Variants in ADAM2 observed in about 807,000 individuals in gnomAD.
ADAM2 encodes the protein ADAM metallopeptidase domain 2.
ADAM2 carries 101 observed loss-of-function variants against 99.3 expected under a neutral mutation model. The ratio of observed to expected loss-of-function variants is 1.02; its 90% CI spans 0.87 to 1.20. The LOEUF is 1.20. Ranked by LOEUF, ADAM2 falls within the 50% of genes most tolerant of loss-of-function variation. The probability of loss-of-function intolerance (pLI) is 0.00; values close to 1 mark genes in which losing one functional copy is unlikely to be tolerated. For missense variants in ADAM2, 948 were observed against 878.7 expected (o/e 1.08, Z -1.00); for synonymous variants, 323 against 287.6 (o/e 1.12, Z -1.25).
At chr8:39,830,784 A>T (rs1429730109) in intron 3 of ADAM2, among the ~76,000 whole-genome samples, 2 of 152,202 alleles carry the variant, frequency 1.3e-5, no homozygotes, top group African/African-American at 4.8e-5. Context: ...CGAAAAAAAA[A>T]ATCAATACCT....
intron 3 of ADAM2, among the ~76,000 whole-genome samples, chr8:39,828,013 G>A (rs1456451226): frequency 6.6e-6 from 1 of 151,844 alleles, no homozygotes; most frequent in Non-Finnish European, 1.5e-5. Context: ...TATATAGCTG[G>A]AAGGGGAAGA....
intron 7 of ADAM2, among the ~76,000 whole-genome samples, chr8:39,799,055 TC>T (rs532963314): frequency 1.3e-5 from 2 of 152,260 alleles, no homozygotes; most frequent in East Asian, 3.9e-4. Context: ...TCTTCTCTGA[TC>T]TTAGTTATTT....
At chr8:39,777,715 C>T (rs1803052178) in intron 10 of ADAM2, among the ~76,000 whole-genome samples, 1 of 151,894 alleles carries the variant, frequency 6.6e-6, no homozygotes, top group East Asian at 1.9e-4. Flanking sequence ...ATGATAAAGG[C>T]TTGAGGTGAT....
rs545863593 is a variant in ADAM2 at position 39,780,928 on chromosome 8, A to G, written c.892-3767T>C. On this transcript the variant is annotated intron_variant, in intron 10 of 20. Transcript: ENST00000265708. ...AAATAATCTTTGCCTTTTACAGTTG[A>G]AACTAAAACATTGTTATCTCTTTCA... Among the ~76,000 whole-genome samples the G allele has an allele frequency of 3.3e-5, 5 of 152,246 alleles. No homozygotes were observed. In the South Asian group the frequency reaches 1.0e-3, roughly 32 times the overall value.
intron 7 of ADAM2, among the ~76,000 whole-genome samples, chr8:39,805,525 C>T (rs1357956997): frequency 6.6e-6 from 1 of 151,704 alleles, no homozygotes; most frequent in Non-Finnish European, 1.5e-5. Context: ...TGGAAAATGA[C>T]CAAAGGAATA....
chr8:39,826,461 C>T (rs1185305131), intron 3 of ADAM2, among the ~76,000 whole-genome samples: 3 of 152,102 alleles, frequency 2.0e-5, no homozygotes, highest in East Asian at 1.9e-4. Flanking sequence ...CAGTGGCTCA[C>T]GCCTGTAATC....
chr8:39,810,386 G>A lies in ADAM2; in HGVS notation c.514-920C>T, dbSNP rs189828747. 6.4e-3 allele frequency among the ~76,000 whole-genome samples: 979 copies of A among 152,184 alleles called. 5 individuals are homozygous for A. The highest frequency in any genetic ancestry group is 9.8e-3 in the Non-Finnish European group (663 of 67,988). Reference sequence around the variant, plus strand: ...ATTAGACAGATCAAAGAGACAGAACGTTAACAAGGATATCCAGGACTTGAA... The same window carrying A: ...ATTAGACAGATCAAAGAGACAGAACATTAACAAGGATATCCAGGACTTGAA... On this transcript the variant is annotated intron_variant, in intron 6 of 20. Transcript: ENST00000265708.
intron 15 of ADAM2, among the ~76,000 whole-genome samples, chr8:39,760,638 G>A (rs1802316921): frequency 6.6e-6 from 1 of 151,874 alleles, no homozygotes; most frequent in South Asian, 2.1e-4. Context: ...GGAGAATGGC[G>A]TGAACCCGGG....
At chr8:39,837,706 A>G (rs1805899256) in intron 1 of ADAM2, among the ~76,000 whole-genome samples, 1 of 152,124 alleles carries the variant, frequency 6.6e-6, no homozygotes, top group Non-Finnish European at 1.5e-5. Context: ...AAAAAGAAGT[A>G]GGTGTATTGC....
chr8:39,793,449 A>C (rs1803802493), intron 7 of ADAM2, among the ~76,000 whole-genome samples: 1 of 152,168 alleles, frequency 6.6e-6, no homozygotes, highest in East Asian at 1.9e-4. Context: ...GGTGTTAAGC[A>C]AGTCTGCCCT....
rs528127001 is a variant in ADAM2, at chr8:39,765,585, T to C, written c.1507+1263A>G. 6.2e-4 allele frequency among the ~76,000 whole-genome samples: 94 copies of C among 152,312 alleles called. 1 individual carries two copies. Among genetic ancestry groups the C allele is most frequent in the African/African-American group, 2.1e-3 (87 of 41,576 alleles). ...CCAACGATTGAGGAAATTAAATCAG[T>C]AATTAAAAAGTTTGTCTTTTGCTCC... On this transcript the variant is annotated intron_variant, in intron 14 of 20. Coordinates refer to ENST00000265708, the MANE Select transcript of ADAM2 (RefSeq NM_001464.5).
intron 14 of ADAM2, among the ~76,000 whole-genome samples, chr8:39,763,693 A>G (rs944568297): frequency 6.6e-6 from 1 of 152,242 alleles, no homozygotes; most frequent in Non-Finnish European, 1.5e-5. Context: ...GCAGCCTGCT[A>G]TCAGAGCGTA....
At chr8:39,822,361 A>G (rs1805225534) in intron 4 of ADAM2, among the ~76,000 whole-genome samples, 1 of 152,200 alleles carries the variant, frequency 6.6e-6, no homozygotes, top group South Asian at 2.1e-4. Context: ...TAAACACAGG[A>G]TGACATTGAG....
chr8:39,776,981 T>C (rs774175337), intron 11 of ADAM2, 44 bp downstream of exon 11: 61 of 1,177,468 alleles, frequency 5.2e-5, no homozygotes, highest in Non-Finnish European at 7.1e-5. Context: ...ACATTAAAAT[T>C]ACATTAAACT....
intron 3 of ADAM2, among the ~76,000 whole-genome samples, chr8:39,832,952 A>G (rs969304167): frequency 2.6e-5 from 4 of 152,144 alleles, no homozygotes; most frequent in Non-Finnish European, 4.4e-5. Context: ...TTATGCTTAC[A>G]TTTTAATTCA....
At chr8:39,821,234 C>T in intron 5 of ADAM2, 64 bp from the exon 6 acceptor site, 1 of 1,106,134 alleles carries the variant, frequency 9.0e-7, no homozygotes, top group Non-Finnish European at 1.3e-6. Flanking sequence ...AATAAAATGC[C>T]ACTTAGCATT....
At position 39,743,954 on chromosome 8, in the gene ADAM2, G is replaced by T. The variant is rs976041650; in HGVS notation, c.*141C>A. The stretch of plus-strand genomic sequence containing the variant: ...TTATACATATATATCATATTTTCTG[G>T]TCAAATTAAAATCACAATATGCAGG... On this transcript the variant is annotated 3_prime_UTR_variant, in exon 21 of 21. Transcript: ENST00000265708. The T allele has an allele frequency of 6.6e-6, 1 of 151,740 alleles. No individual in the cohort carries two copies. The highest frequency in any genetic ancestry group is 2.4e-5 in the African/African-American group (1 of 41,280). 9.4% of individuals were successfully genotyped at this position (151,740 alleles called of 1,614,324 possible).
Position 39,777,157 on chromosome 8 carries a change from G to T in ADAM2, c.896C>A (p.Pro299His), listed in dbSNP as rs763431627. The change falls in exon 11 of 21, where the codon CCC becomes CAC. Residue 299 changes from proline (P) to histidine (H), a missense_variant. Pro to His is a moderately conservative substitution (Grantham distance 77, BLOSUM62 -2). Coordinates refer to ENST00000265708, the MANE Select transcript of ADAM2 (RefSeq NM_001464.5). ...ANYAGGVVLH[P>H]RTISLESLAV... The stretch of plus-strand genomic sequence containing the variant: ...AAGTGATTCCAGACTTATGGTTCTG[G>T]GGTGCTGAGAAAAAAAAATAGATGT... The T allele has an allele frequency of 1.4e-5, 22 of 1,602,492 alleles. No individual in the cohort carries two copies. Among genetic ancestry groups the T allele is most frequent in the Non-Finnish European group, 1.8e-5 (21 of 1,176,034 alleles).
rs543741083 is a variant in ADAM2 at position 39,824,527 on chromosome 8, T to C, written c.267+292A>G. On this transcript the variant is annotated intron_variant, in intron 4 of 20. Coordinates refer to ENST00000265708, the MANE Select transcript of ADAM2 (RefSeq NM_001464.5). Reference sequence around the variant, plus strand: ...GATTTAGCTTTCCTGATACAAGTCATGGTTTTTCATTTTACATATTTCACA... The same window carrying C: ...GATTTAGCTTTCCTGATACAAGTCACGGTTTTTCATTTTACATATTTCACA... Among the ~76,000 whole-genome samples, 22 of 152,282 alleles carry C rather than the reference T, an allele frequency of 1.4e-4. No homozygotes were observed. The East Asian group carries it at 3.9e-3, about 27-fold the overall frequency.
Sources: gnomAD v4.1 joint callset for allele counts (sites outside exome capture counted in the v4.1 genomes callset) on GRCh38, gnomAD v4.1.1 for gene constraint, MANE v1.5 for transcripts, NCBI Gene and HGNC (gene_info 2026-07-23, HGNC 2026-07-21) for gene names.